The following GLMN variants were observed in gnomAD, a reference collection of about 807,000 sequenced individuals.
The protein encoded by GLMN is glomulin.
In GLMN, 75 loss-of-function variants were observed where a neutral mutation model predicts 87.8. The ratio of observed to expected loss-of-function variants is 0.85; its 90% CI spans 0.71 to 1.04. GLMN has a LOEUF of 1.04. Ranked by LOEUF, GLMN falls within the 50% of genes least tolerant of loss-of-function variation. The pLI is 0.00. For missense variants in GLMN, 588 were observed against 658.8 expected (o/e 0.89, Z 1.18); for synonymous variants, 206 against 221.6 (o/e 0.93, Z 0.63).
At chr1:92,306,964 A>G in the GLMN span, among the ~76,000 whole-genome samples, 1 of 152,120 alleles carries the variant, frequency 6.6e-6, no homozygotes, top group Admixed American at 6.5e-5. Flanking sequence ...ATTAACACCA[A>G]ATTTATGGTA....
the GLMN span, chr1:92,323,375 C>A: frequency 8.6e-7 from 1 of 1,167,784 alleles, no homozygotes; most frequent in Non-Finnish European, 1.2e-6. Context: ...GGGTACTTTA[C>A]TTTTCTATTG....
the GLMN span, among the ~76,000 whole-genome samples, chr1:92,331,352 A>G: frequency 6.6e-6 from 1 of 152,168 alleles, no homozygotes; most frequent in Non-Finnish European, 1.5e-5. Context: ...ATTGGTATAC[A>G]GTATTTGGGT....
chr1:92,316,315 C>T, the GLMN span, among the ~76,000 whole-genome samples: 1 of 152,130 alleles, frequency 6.6e-6, no homozygotes, highest in Non-Finnish European at 1.5e-5. Context: ...CCTGAACAGC[C>T]ACCTCTGTTG....
chr1:92,263,494 T>C (rs1655266114), intron 15 of GLMN, 129 bp downstream of exon 15: 10 of 708,490 alleles, frequency 1.4e-5, no homozygotes, highest in Middle Eastern at 2.6e-4. Context: ...AATCTTTATG[T>C]AACTTAATGA....
At chr1:92,317,327 T>G in the GLMN span, among the ~76,000 whole-genome samples, 1 of 151,980 alleles carries the variant, frequency 6.6e-6, no homozygotes, top group African/African-American at 2.4e-5. Context: ...GCCAACATGG[T>G]GAAACCCCAT....
At chr1:92,357,094 TACACACAC>T in the GLMN span, among the ~76,000 whole-genome samples, 159 of 144,844 alleles carry the variant, frequency 1.1e-3, no homozygotes, top group African/African-American at 3.7e-3. Context: ...AAGGATTACA[TACACACAC>T]ACACACACAC....
chr1:92,248,223 A>G, intron 16 of GLMN: 1 of 394,860 alleles, frequency 2.5e-6, no homozygotes, highest in Non-Finnish European at 4.6e-6. Context: ...CCAGGTTTTG[A>G]GATCTATTAA....
chr1:92,333,334 CAAAG>C, the GLMN span: 11 of 1,379,064 alleles, frequency 8.0e-6, no homozygotes, highest in South Asian at 2.3e-5. Context: ...TTCTGCTTAT[CAAAG>C]AAAGAATGTA....
intron 3 of GLMN, among the ~76,000 whole-genome samples, chr1:92,292,838 G>C (rs1181258143): frequency 1.3e-5 from 2 of 150,936 alleles, no homozygotes; most frequent in Admixed American, 1.3e-4. Flanking sequence ...GACCAGCCTG[G>C]GCAACACGGC....
chr1:92,303,839 C>CT (rs1261364908), upstream of GLMN: 1 of 498,876 alleles, frequency 2.0e-6, no homozygotes, highest in Non-Finnish European at 3.4e-6. Context: ...ATTTTCTCCT[C>CT]TAATTCTAAC....
chr1:92,298,999 G>A, upstream of GLMN: 4 of 712,904 alleles, frequency 5.6e-6, no homozygotes, highest in Non-Finnish European at 6.6e-6. Flanking sequence ...GCCCCGCCCC[G>A]CGCTACGCGT....
In GLMN at chr1:92,263,622, C is replaced by T; in HGVS notation, c.1409+1G>A. On this transcript the variant is annotated splice_donor_variant, in intron 15 of 18. Coordinates refer to ENST00000370360, the MANE Select transcript of GLMN (RefSeq NM_053274.3). LOFTEE classifies it high-confidence loss of function. Reference sequence around the variant, plus strand: ...GTGAACTTTGGTAATGGTCACCTCACCTATCTGAGTTTTGCAGTAAATCTG... The same window carrying T: ...GTGAACTTTGGTAATGGTCACCTCATCTATCTGAGTTTTGCAGTAAATCTG... 7.6e-7 allele frequency: 1 copy of T among 1,318,168 alleles called. No homozygotes were observed. Among genetic ancestry groups the T allele is most frequent in the Non-Finnish European group, 1.1e-6 (1 of 909,530 alleles). The allele number at this position is 1,318,168 out of a possible 1,614,324, so 81.7% of individuals were successfully genotyped here.
At chr1:92,277,852 C>T (rs937028478) in intron 7 of GLMN, among the ~76,000 whole-genome samples, 2 of 152,098 alleles carry the variant, frequency 1.3e-5, no homozygotes, top group East Asian at 3.8e-4. Context: ...GCCCTGAGTT[C>T]TGTAAGCCAA....
At chr1:92,364,659 C>A in the GLMN span, among the ~76,000 whole-genome samples, 1 of 152,158 alleles carries the variant, frequency 6.6e-6, no homozygotes, top group African/African-American at 2.4e-5. Context: ...TCTCTCATAT[C>A]TAATCAATTG....
At chr1:92,272,655 C>T (rs764208857) in intron 7 of GLMN, among the ~76,000 whole-genome samples, 5 of 152,102 alleles carry the variant, frequency 3.3e-5, no homozygotes, top group East Asian at 1.9e-4. Flanking sequence ...GATGCAGGAA[C>T]GCTGGGCAGG....
At chr1:92,297,654 A>G (rs1650272953) in intron 2 of GLMN, 125 bp from the exon 3 acceptor site, 2 of 835,460 alleles carry the variant, frequency 2.4e-6, no homozygotes, top group Non-Finnish European at 3.8e-6. Flanking sequence ...AGATAAATGT[A>G]ACGTAAATAA....
chr1:92,344,769 T>A, the GLMN span, among the ~76,000 whole-genome samples: 1 of 152,226 alleles, frequency 6.6e-6, no homozygotes. Flanking sequence ...GTCTTTCATT[T>A]TTCCAGGTGG....
the GLMN span, among the ~76,000 whole-genome samples, chr1:92,358,238 A>G: frequency 2.6e-5 from 4 of 152,220 alleles, no homozygotes; most frequent in East Asian, 7.7e-4. Flanking sequence ...CTCCAGCCTC[A>G]TCTCACACCA....
At chr1:92,369,385 G>A in the GLMN span, among the ~76,000 whole-genome samples, 19 of 152,244 alleles carry the variant, frequency 1.2e-4, 1 homozygote, top group East Asian at 3.7e-3. Flanking sequence ...TTGAACTCCT[G>A]GGGTCAAGTT....
Sources: allele counts gnomAD v4.1 joint callset (sites outside exome capture counted in the v4.1 genomes callset), GRCh38; gene constraint gnomAD v4.1.1; transcripts MANE v1.5; gene names NCBI Gene and HGNC (gene_info 2026-07-23, HGNC 2026-07-21).